KLHL6: variants seen among roughly 807,000 people sequenced by gnomAD.
The protein encoded by KLHL6 is kelch-like protein 6.
KLHL6 carries 41 observed loss-of-function variants against 58.6 expected under a neutral mutation model. The observed-to-expected ratio is 0.70, with a 90% CI of 0.55 to 0.91. The LOEUF (loss-of-function observed/expected upper bound fraction) is 0.91, where lower values mean the gene tolerates loss of function less well. KLHL6 is among the 40% of genes least tolerant of loss of function. The pLI is 0.00. For synonymous variants in KLHL6, 338 were observed against 322.7 expected (o/e 1.05, Z -0.51); for missense variants, 714 against 805.6 (o/e 0.89, Z 1.38).
chr3:183,491,789 C>T lies in KLHL6; in HGVS notation c.*138G>A, dbSNP rs1313079460. On this transcript the variant is annotated 3_prime_UTR_variant, in exon 7 of 7. Transcript: ENST00000341319. The stretch of plus-strand genomic sequence containing the variant: ...CCCCAAACTGTGACTTCCAAGGTTC[C>T]CCCAAAGTGAGTCAAGGGGATCCCC... 3 of 701,654 alleles carry T rather than the reference C, an allele frequency of 4.3e-6. No individual in the cohort carries two copies. Among genetic ancestry groups the T allele is most frequent in the Non-Finnish European group, 6.4e-6 (3 of 470,446 alleles). 43.5% of individuals were successfully genotyped at this position (701,654 alleles called of 1,614,324 possible).
In KLHL6 at chr3:183,491,924, C is replaced by A; in HGVS notation, c.*3G>T. On this transcript the variant is annotated 3_prime_UTR_variant, in exon 7 of 7. Coordinates refer to ENST00000341319, the MANE Select transcript of KLHL6 (RefSeq NM_130446.4). ...GGGGGCTCTCCAGCTCCCCATCCTG[C>A]CGTCAGACAGACACTGCTCCGGGCA... The A allele has an allele frequency of 4.1e-6, 6 of 1,472,082 alleles. No homozygotes were observed. Among genetic ancestry groups the A allele is most frequent in the Non-Finnish European group, 5.4e-6 (6 of 1,107,468 alleles). The allele number at this position is 1,472,082 out of a possible 1,614,324, so 91.2% of individuals were successfully genotyped here.
intron 1 of KLHL6, among the ~76,000 whole-genome samples, chr3:183,531,453 T>G (rs796790051): frequency 5.6e-5 from 7 of 124,154 alleles, no homozygotes; most frequent in African/African-American, 2.1e-4. Flanking sequence ...GTTTTTTTTT[T>G]TTTTTTTTTT....
intron 4 of KLHL6, among the ~76,000 whole-genome samples, chr3:183,498,520 C>T (rs2108666061): frequency 6.6e-6 from 1 of 152,226 alleles, no homozygotes; most frequent in South Asian, 2.1e-4. Flanking sequence ...TCCTGCCTGA[C>T]ACCTACCAGT....
At chr3:183,506,222 G>T (rs1461164023) in intron 3 of KLHL6, among the ~76,000 whole-genome samples, 1 of 152,098 alleles carries the variant, frequency 6.6e-6, no homozygotes, top group East Asian at 1.9e-4. Flanking sequence ...CACTAAATTT[G>T]TTCTTGTCTT....
At chr3:183,542,142 A>G (rs912204823) in intron 1 of KLHL6, among the ~76,000 whole-genome samples, 5 of 150,820 alleles carry the variant, frequency 3.3e-5, no homozygotes, top group African/African-American at 9.8e-5. Context: ...CTTAATTCCA[A>G]CCCTCATCTC....
chr3:183,510,831 T>C (rs930463387), intron 2 of KLHL6, among the ~76,000 whole-genome samples: 8 of 151,648 alleles, frequency 5.3e-5, no homozygotes, highest in Non-Finnish European at 1.2e-4. Flanking sequence ...TGATATCGTG[T>C]CATTGCACTC....
chr3:183,489,401 T>G lies in KLHL6; in HGVS notation c.*2526A>C. The G allele has an allele frequency of 6.6e-6, 1 of 152,210 alleles. No individual in the cohort carries two copies. Among genetic ancestry groups the G allele is most frequent in the East Asian group, 1.9e-4 (1 of 5,204 alleles). 9.4% of individuals were successfully genotyped at this position (152,210 alleles called of 1,614,324 possible). On this transcript the variant is annotated 3_prime_UTR_variant, in exon 7 of 7. Coordinates refer to ENST00000341319, the MANE Select transcript of KLHL6 (RefSeq NM_130446.4). ...TGACCCCCTGAAAGGCAATCAAGAC[T>G]TGGATCCAGCCTCCTCACTTCATAC... is the stretch of plus-strand genomic sequence containing the variant.
At chr3:183,551,614 C>G (rs1712918569) in intron 1 of KLHL6, among the ~76,000 whole-genome samples, 1 of 152,076 alleles carries the variant, frequency 6.6e-6, no homozygotes, top group Non-Finnish European at 1.5e-5. Flanking sequence ...GGAAGGAAAG[C>G]TTATGGTAAG....
At chr3:183,500,606 G>A (rs149470527) in intron 3 of KLHL6, among the ~76,000 whole-genome samples, 6 of 152,312 alleles carry the variant, frequency 3.9e-5, no homozygotes, top group South Asian at 2.1e-4. Flanking sequence ...AGGTAGAGGC[G>A]TGAGCAGAGC....
intron 3 of KLHL6, among the ~76,000 whole-genome samples, chr3:183,507,524 C>T (rs1360124640): frequency 4.6e-5 from 7 of 152,096 alleles, no homozygotes; most frequent in South Asian, 2.1e-4. Context: ...CTCTGCCTCC[C>T]GGGTTCAAGT....
At chr3:183,531,441 G>GTATTTTTTTTTTTTTTT (rs1367673441) in intron 1 of KLHL6, among the ~76,000 whole-genome samples, 4 of 102,104 alleles carry the variant, frequency 3.9e-5, no homozygotes, top group Non-Finnish European at 8.7e-5. Context: ...TTTTTTGTCT[G>GTATTTTTTTTTTTTTTT]TGTTTTTTTT....
At position 183,488,255 on chromosome 3, in the gene KLHL6, C is replaced by T. The variant is rs922292792; in HGVS notation, c.*3672G>A. ...CCACCAAAGACTCTGGGCCACCTTC[C>T]CTCTAGGACAGGAGACCCAGCTGAG... On this transcript the variant is annotated 3_prime_UTR_variant, in exon 7 of 7. Coordinates refer to ENST00000341319, the MANE Select transcript of KLHL6 (RefSeq NM_130446.4). The T allele has an allele frequency of 2.6e-5, 4 of 152,210 alleles. No individual in the cohort carries two copies. Among genetic ancestry groups the T allele is most frequent in the African/African-American group, 9.7e-5 (4 of 41,446 alleles). The allele number at this position is 152,210 out of a possible 1,614,324, so 9.4% of individuals were successfully genotyped here.
At chr3:183,543,241 C>T (rs1168612082) in intron 1 of KLHL6, among the ~76,000 whole-genome samples, 1 of 151,166 alleles carries the variant, frequency 6.6e-6, no homozygotes, top group Non-Finnish European at 1.5e-5. Context: ...GAGCTGAGAT[C>T]GCACCACTGC....
rs1363165972 is a variant in KLHL6, at chr3:183,555,463, G to A, written c.191C>T (p.Thr64Ile). 2 of 1,614,018 alleles carry A rather than the reference G, an allele frequency of 1.2e-6. No individual in the cohort carries two copies. The highest frequency in any genetic ancestry group is 1.7e-6 in the Non-Finnish European group (2 of 1,180,024). ...LSLILQNGLE[T>I]LRMENALTDV... ...TGTCAGAGCGTTTTCCATTCGCAGG[G>A]TTTCCAGGCCATTCTGAAGAATTAA... Residue 64 changes from threonine (T) to isoleucine (I), a missense_variant, in exon 1 of 7, where the codon ACC becomes ATC. Around this residue, in one of 2 missense-constraint regions of KLHL6, gnomAD observed 204 missense variants for 175.9 expected, o/e 1.16. Coordinates refer to ENST00000341319, the MANE Select transcript of KLHL6 (RefSeq NM_130446.4).
intron 1 of KLHL6, among the ~76,000 whole-genome samples, chr3:183,538,413 TC>T (rs1712435269): frequency 6.6e-6 from 1 of 152,146 alleles, no homozygotes; most frequent in Non-Finnish European, 1.5e-5. Flanking sequence ...GTTCTGTCCT[TC>T]CTCTTATTTC....
chr3:183,513,159 G>A (rs943892615), intron 2 of KLHL6, among the ~76,000 whole-genome samples: 2 of 152,088 alleles, frequency 1.3e-5, no homozygotes, highest in Non-Finnish European at 2.9e-5. Flanking sequence ...TTTAAAGGAC[G>A]CAATGAGAAA....
chr3:183,533,005 C>A (rs1216946961), intron 1 of KLHL6, among the ~76,000 whole-genome samples: 2 of 152,176 alleles, frequency 1.3e-5, no homozygotes, highest in South Asian at 2.1e-4. Context: ...GAGGCAGTAG[C>A]CACACCGCTA....
chr3:183,551,417 G>T (rs1004887863), intron 1 of KLHL6, among the ~76,000 whole-genome samples: 2 of 152,166 alleles, frequency 1.3e-5, no homozygotes, highest in Non-Finnish European at 2.9e-5. Context: ...TTGTGAGCCT[G>T]TGAGCAAAAG....
chr3:183,527,910 T>C lies in KLHL6; in HGVS notation c.394A>G (p.Thr132Ala). The C allele has an allele frequency of 6.2e-7, 1 of 1,614,102 alleles. No individual in the cohort carries two copies. Among genetic ancestry groups the C allele is most frequent in the Non-Finnish European group, 8.5e-7 (1 of 1,180,014 alleles). Residue 132 changes from threonine to alanine, a missense_variant, in exon 2 of 7, where the codon ACC (threonine) becomes GCC (alanine). By Grantham distance (58) the Thr-to-Ala change is moderately conservative. Coordinates refer to ENST00000341319, the MANE Select transcript of KLHL6 (RefSeq NM_130446.4). ...TGCTTGGTGATCAGCGCCTTGCTGG[T>C]GTACGTGTAGTCCAACAGAGTGTGC... ...TMHTLLDYTY[T>A]SKALITKQNV...
Sources: allele counts gnomAD v4.1 joint callset (sites outside exome capture counted in the v4.1 genomes callset), GRCh38; gene constraint gnomAD v4.1.1; regional missense constraint gnomAD v4.1.1; transcripts MANE v1.5; gene names NCBI Gene and HGNC (gene_info 2026-07-23, HGNC 2026-07-21).